Variants in FBXO43 observed in about 807,000 individuals in gnomAD.
The protein encoded by FBXO43 is F-box protein 43.
In FBXO43, 22 loss-of-function variants were observed where a neutral mutation model predicts 56.7. The ratio of observed to expected loss-of-function variants is 0.39; its 90% CI spans 0.28 to 0.55. The LOEUF is 0.55. FBXO43 is among the 20% of genes least tolerant of loss of function. The pLI is 0.66. For missense variants in FBXO43, 733 were observed against 814.9 expected, an observed-to-expected ratio of 0.90 and a Z score of 1.22; for synonymous variants, 306 against 294.5, an observed-to-expected ratio of 1.04 and a Z score of -0.40.
Position 100,141,916 on chromosome 8 carries a change from A to G in FBXO43, c.338T>C (p.Leu113Pro), listed in dbSNP as rs778177903. ...AGATTCTAAAGGATGTGTTAAGCCC[A>G]GGCCTGAAGTTTCAGGGTGCTCATA... is the stretch of plus-strand genomic sequence containing the variant. ...LLYEHPETSG[L>P]GLTHPLESPT... Residue 113 changes from leucine (L) to proline (P), a missense_variant, in exon 2 of 5, where the codon CTG becomes CCG. Physicochemically the swap from Leu to Pro is moderately conservative, Grantham distance 98. Coordinates refer to ENST00000428847, the MANE Select transcript of FBXO43 (RefSeq NM_001029860.4). 13 of 1,591,306 alleles carry G rather than the reference A, an allele frequency of 8.2e-6. No individual in the cohort carries two copies. In the African/African-American group the frequency reaches 1.6e-4, roughly 20 times the overall value.
chr8:100,140,334 G>T (rs186107370), intron 2 of FBXO43, among the ~76,000 whole-genome samples: 184 of 152,302 alleles, frequency 1.2e-3, no homozygotes, highest in South Asian at 2.7e-3. Flanking sequence ...GCCGGGCATG[G>T]TGGTGGGCGC....
chr8:100,141,869 T>C lies in FBXO43; in HGVS notation c.385A>G (p.Ile129Val), dbSNP rs776723212. The C allele has an allele frequency of 5.7e-6, 9 of 1,589,358 alleles. No homozygotes were observed. The highest frequency in any genetic ancestry group is 2.4e-5 in the South Asian group (2 of 84,930). ...LESPTQKKKC[I>V]LPRKEKDKTP... The stretch of plus-strand genomic sequence containing the variant: ...TTATCCTTTTCCTTTCTAGGCAAGA[T>C]ACATTTCTTTTTTTGAGTGGGAGAT... Residue 129 changes from isoleucine (I) to valine (V), a missense_variant, in exon 2 of 5, where the codon ATC becomes GTC. Transcript: ENST00000428847.
Position 100,134,115 on chromosome 8 carries a change from C to T in FBXO43, c.1878+46G>A, listed in dbSNP as rs772506144. The T allele has an allele frequency of 1.6e-5, 25 of 1,602,672 alleles. No individual in the cohort carries two copies. In the Admixed American group the frequency reaches 4.1e-4, roughly 26 times the overall value. On this transcript the variant is annotated intron_variant, in intron 4 of 4. Coordinates refer to ENST00000428847, the MANE Select transcript of FBXO43 (RefSeq NM_001029860.4). ...ATAGAGGAGCACTTTATTTCAAACTCTGTAAATATTTATTTCTAATAACTT... is the reference window on the plus strand; with the variant it reads ...ATAGAGGAGCACTTTATTTCAAACTTTGTAAATATTTATTTCTAATAACTT...
In FBXO43 at chr8:100,140,912, C is replaced by T; in HGVS notation, c.1342G>A (p.Glu448Lys). The T allele has an allele frequency of 1.2e-6, 2 of 1,614,180 alleles. No individual in the cohort carries two copies. The highest frequency in any genetic ancestry group is 1.3e-5 in the African/African-American group (1 of 75,038). ...TTCCTCTTGCTTTTCATGAACAGCT[C>T]ATGTACCAATTGCAAGGCTGGGGTC... ...SKTPALQLVH[E>K]LFMKSKRKRL... is the part of the protein sequence containing the mutation. The change falls in exon 2 of 5, where the codon GAG becomes AAG. Residue 448 changes from glutamate (E) to lysine (K), a missense_variant. Coordinates refer to ENST00000428847, the MANE Select transcript of FBXO43 (RefSeq NM_001029860.4).
upstream of FBXO43, among the ~76,000 whole-genome samples, chr8:100,147,330 G>T (rs1814853092): frequency 6.6e-6 from 1 of 152,218 alleles, no homozygotes; most frequent in African/African-American, 2.4e-5. Context: ...AGAACAGAGT[G>T]CATGAGATAG....
rs1277804631 is a variant in FBXO43 at position 100,145,114 on chromosome 8, CATCTTT to C, written c.16_21del (p.Lys6_Asp7del). 16 of 1,611,772 alleles carry C rather than the reference CATCTTT, an allele frequency of 9.9e-6. No individual in the cohort carries two copies. Among genetic ancestry groups the C allele is most frequent in the Non-Finnish European group, 1.3e-5 (15 of 1,179,052 alleles). On this transcript the variant is annotated inframe_deletion, in exon 1 of 5. Transcript: ENST00000428847. ...TAGGCTTCCAAACAAGAAATTCTCT[CATCTTT>C]GTCTTTAAAACTCATGCCAAAATAA...
intron 2 of FBXO43, among the ~76,000 whole-genome samples, chr8:100,138,939 G>C (rs1320872572): frequency 6.6e-6 from 1 of 152,134 alleles, no homozygotes; most frequent in Non-Finnish European, 1.5e-5. Flanking sequence ...TTTATCGTTT[G>C]AACATTTTTA....
At chr8:100,147,338 T>C (rs1453454747), upstream of FBXO43, among the ~76,000 whole-genome samples, 1 of 152,166 alleles carries the variant, frequency 6.6e-6, no homozygotes. Flanking sequence ...GTGCATGAGA[T>C]AGATTTTGAT....
At chr8:100,144,269 T>C (rs577980928) in intron 1 of FBXO43, among the ~76,000 whole-genome samples, 29 of 151,898 alleles carry the variant, frequency 1.9e-4, no homozygotes, top group Non-Finnish European at 3.1e-4. Context: ...CCCAGCACTT[T>C]AGGAGGCCGC....
chr8:100,145,236 G>A lies in FBXO43; in HGVS notation c.-101C>T. 1 of 839,336 alleles carries A rather than the reference G, an allele frequency of 1.2e-6. No homozygotes were observed. The highest frequency in any genetic ancestry group is 1.8e-6 in the Non-Finnish European group (1 of 551,872). 52.0% of individuals were successfully genotyped at this position (839,336 alleles called of 1,614,324 possible). ...CTCAAAGTCGAAGGGTACACAGGGTGCATGCCGCAGGGATTATTCCTAACA... is the reference window on the plus strand; with the variant it reads ...CTCAAAGTCGAAGGGTACACAGGGTACATGCCGCAGGGATTATTCCTAACA... On this transcript the variant is annotated 5_prime_UTR_variant, in exon 1 of 5. Coordinates refer to ENST00000428847, the MANE Select transcript of FBXO43 (RefSeq NM_001029860.4).
upstream of FBXO43, among the ~76,000 whole-genome samples, chr8:100,149,372 T>G (rs1814880970): frequency 6.6e-6 from 1 of 152,234 alleles, no homozygotes; most frequent in Admixed American, 6.5e-5. Context: ...AAAGTTTGAC[T>G]TTTGGGATCA....
intron 1 of FBXO43, among the ~76,000 whole-genome samples, chr8:100,144,029 T>C (rs956420369): frequency 3.3e-5 from 5 of 152,180 alleles, no homozygotes; most frequent in Non-Finnish European, 5.9e-5. Context: ...AACCTTGGCC[T>C]CCCAAAGTGC....
At chr8:100,139,614 T>C (rs989006728) in intron 2 of FBXO43, among the ~76,000 whole-genome samples, 2 of 152,220 alleles carry the variant, frequency 1.3e-5, no homozygotes, top group African/African-American at 4.8e-5. Flanking sequence ...TGTCTTCTGA[T>C]AGTCCTGTAA....
intron 1 of FBXO43, among the ~76,000 whole-genome samples, chr8:100,142,454 T>G (rs1814690770): frequency 6.6e-6 from 1 of 152,136 alleles, no homozygotes; most frequent in Non-Finnish European, 1.5e-5. Flanking sequence ...TGAGCTACCC[T>G]AAAGAGAAAA....
At chr8:100,137,467 G>T (rs1814507465) in intron 3 of FBXO43, 98 bp downstream of exon 3, 1 of 737,554 alleles carries the variant, frequency 1.4e-6, no homozygotes, top group Non-Finnish European at 2.2e-6. Context: ...AAATGGAAAA[G>T]GTTAAAGATA....
intron 3 of FBXO43, chr8:100,137,045 C>G (rs1814489256): frequency 8.2e-6 from 1 of 122,374 alleles, no homozygotes. Flanking sequence ...CAAAGCCCAA[C>G]AAGATGTTCT....
chr8:100,143,987 G>A (rs1007218872), intron 1 of FBXO43, among the ~76,000 whole-genome samples: 1 of 152,188 alleles, frequency 6.6e-6, no homozygotes, highest in East Asian at 1.9e-4. Flanking sequence ...GGCCAGGCTG[G>A]TCTCGAACTC....
At chr8:100,149,064 G>T (rs751360709), upstream of FBXO43, among the ~76,000 whole-genome samples, 4 of 152,158 alleles carry the variant, frequency 2.6e-5, no homozygotes, top group Non-Finnish European at 4.4e-5. Flanking sequence ...AAAAGTTAAT[G>T]CTATCATTGA....
At chr8:100,144,694 G>C (rs1188485202) in intron 1 of FBXO43, among the ~76,000 whole-genome samples, 2 of 151,180 alleles carry the variant, frequency 1.3e-5, no homozygotes, top group South Asian at 2.1e-4. Context: ...CACTTTGGGA[G>C]GCCGGGGCGG....
Sources: gnomAD v4.1 joint callset for allele counts (sites outside exome capture counted in the v4.1 genomes callset) on GRCh38, gnomAD v4.1.1 for gene constraint, MANE v1.5 for transcripts, NCBI Gene and HGNC (gene_info 2026-07-23, HGNC 2026-07-21) for gene names.